Variants in RTTN observed in about 807,000 individuals in gnomAD.
RTTN encodes rotatin.
Under a neutral mutation model 269.2 loss-of-function variants are expected in RTTN, and 182 were observed. The ratio of observed to expected loss-of-function variants is 0.68; its 90% CI spans 0.60 to 0.76. The LOEUF is 0.76. RTTN is among the 30% of genes least tolerant of loss of function. RTTN has a pLI of 0.00. For synonymous variants in RTTN, 1,006 were observed against 963.5 expected (o/e 1.04, Z -0.82); for missense variants, 2,545 against 2,608.6 (o/e 0.98, Z 0.53).
chr18:70,027,931 G>A (rs934495657), intron 43 of RTTN, among the ~76,000 whole-genome samples: 21 of 151,980 alleles, frequency 1.4e-4, no homozygotes, highest in African/African-American at 5.1e-4. Context: ...CTTACCACAA[G>A]TAAGAGCAAA....
intron 34 of RTTN, among the ~76,000 whole-genome samples, chr18:70,071,223 T>C (rs934504307): frequency 1.3e-5 from 2 of 152,198 alleles, no homozygotes; most frequent in African/African-American, 4.8e-5. Flanking sequence ...TTTTCAGTTG[T>C]TTTAAGACTA....
intron 37 of RTTN, 55 bp from the exon 38 acceptor site, chr18:70,054,339 C>T: frequency 6.8e-7 from 1 of 1,480,264 alleles, no homozygotes; most frequent in Non-Finnish European, 9.1e-7. Context: ...AAGCCCATCT[C>T]AGTGATACAG....
intron 46 of RTTN, among the ~76,000 whole-genome samples, chr18:70,013,037 C>T (rs1020836284): frequency 4.6e-5 from 7 of 152,108 alleles, no homozygotes; most frequent in South Asian, 2.1e-4. Context: ...AGTGATGTTT[C>T]GGGCACGCTG....
In RTTN at chr18:70,092,803, A is replaced by G; in HGVS notation, c.3905T>C (p.Val1302Ala). Residue 1302 changes from valine (V) to alanine (A), a missense_variant and splice_region_variant, in exon 29 of 49, where the codon GTC becomes GCC. By Grantham distance (64) the Val-to-Ala change is moderately conservative. Transcript: ENST00000640769. ...CVKYLSGLLE[V>A]ITSFYVERGG... ...ACGCTCCACATAAAAAGAAGTAATG[A>G]CCTGAAAAACAAATGTAAACAATTT... 6.2e-7 allele frequency: 1 copy of G among 1,601,894 alleles called. No homozygotes were observed. Among genetic ancestry groups the G allele is most frequent in the South Asian group, 1.1e-5 (1 of 89,448 alleles).
intron 18 of RTTN, among the ~76,000 whole-genome samples, chr18:70,144,900 CA>C (rs996288702): frequency 8.5e-5 from 13 of 152,118 alleles, no homozygotes; most frequent in African/African-American, 2.9e-4. Context: ...TGAGAAAGTA[CA>C]AAACACAGGA....
At chr18:70,178,279 T>C (rs1372604896) in intron 10 of RTTN, among the ~76,000 whole-genome samples, 2 of 152,190 alleles carry the variant, frequency 1.3e-5, no homozygotes, top group African/African-American at 4.8e-5. Flanking sequence ...TAAATTCTGA[T>C]ACATGCTACA....
At position 70,030,012 on chromosome 18, in the gene RTTN, C is replaced by CT. The variant is rs756606313; in HGVS notation, c.5744dup (p.Glu1916GlyfsTer6). On this transcript the variant is annotated frameshift_variant and splice_region_variant, in exon 42 of 49. Transcript: ENST00000640769. LOFTEE classifies it high-confidence loss of function. The stretch of plus-strand genomic sequence containing the variant: ...CCATTCATTTATCCCAGAATGTTAC[C>CT]TTTTTTTTCAATGCTGCTTTCCCAG... The CT allele has an allele frequency of 1.5e-5, 24 of 1,604,330 alleles. No homozygotes were observed. The highest frequency in any genetic ancestry group is 1.8e-5 in the Non-Finnish European group (21 of 1,172,474).
chr18:70,109,035 G>A (rs1290376682), intron 28 of RTTN, among the ~76,000 whole-genome samples: 3 of 152,136 alleles, frequency 2.0e-5, no homozygotes, highest in Non-Finnish European at 4.4e-5. Context: ...TTCACCAAAA[G>A]ATAAGAATGT....
chr18:70,183,566 TCTA>T (rs2061465957), intron 10 of RTTN, among the ~76,000 whole-genome samples: 1 of 152,158 alleles, frequency 6.6e-6, no homozygotes, highest in Non-Finnish European at 1.5e-5. Flanking sequence ...CAAAGGTTCT[TCTA>T]GATCAGGGTT....
chr18:70,092,974 G>C (rs560118221), intron 28 of RTTN, among the ~76,000 whole-genome samples, 170 bp from the exon 29 acceptor site: 4 of 151,850 alleles, frequency 2.6e-5, no homozygotes, highest in Non-Finnish European at 5.9e-5. Context: ...TTATGTTATG[G>C]GTATTTTACC....
intron 2 of RTTN, among the ~76,000 whole-genome samples, chr18:70,204,767 T>A (rs2062034694): frequency 6.6e-6 from 1 of 152,244 alleles, no homozygotes; most frequent in African/African-American, 2.4e-5. Context: ...TGAATCACGG[T>A]TATGTAACAT....
At chr18:70,149,569 G>A (rs1187477251) in intron 16 of RTTN, among the ~76,000 whole-genome samples, 3 of 150,524 alleles carry the variant, frequency 2.0e-5, no homozygotes, top group Admixed American at 6.6e-5. Context: ...CTGTTTCTAG[G>A]AGCATGTTAA....
At position 70,048,180 on chromosome 18, in the gene RTTN, A is replaced by T. The variant is rs750833321; in HGVS notation, c.5332T>A (p.Cys1778Ser). The change falls in exon 40 of 49, where the codon TGC (cysteine) becomes AGC (serine). Residue 1778 changes from cysteine to serine, a missense_variant. Coordinates refer to ENST00000640769, the MANE Select transcript of RTTN (RefSeq NM_173630.4). ...GTGGCAGACAAGCCTGCACATGTGC[A>T]GAACATATCTAAAGGAATAATTTCA... ...KHWTAAIDMF[C>S]TCAGLSATCP... 1 of 1,611,172 alleles carries T rather than the reference A, an allele frequency of 6.2e-7. No individual in the cohort carries two copies. Among genetic ancestry groups the T allele is most frequent in the Non-Finnish European group, 8.5e-7 (1 of 1,177,682 alleles).
chr18:70,189,994 CA>C (rs2061633514), intron 9 of RTTN, among the ~76,000 whole-genome samples: 2 of 152,074 alleles, frequency 1.3e-5, no homozygotes, highest in African/African-American at 4.8e-5. Context: ...AAAATTACTA[CA>C]AAGGTAAGAA....
Position 70,047,699 on chromosome 18 carries a change from C to T in RTTN, c.5541+272G>A, listed in dbSNP as rs1344343857. Among the ~76,000 whole-genome samples the T allele has an allele frequency of 2.0e-5, 3 of 152,342 alleles. No individual in the cohort carries two copies. The South Asian group carries it at 6.2e-4, about 32-fold the overall frequency. The stretch of plus-strand genomic sequence containing the variant: ...TCCATTTTGGTCATGATATGAAACA[C>T]TGTTTTGATCAACTGTTAGATTTAG... On this transcript the variant is annotated intron_variant, in intron 40 of 48. Coordinates refer to ENST00000640769, the MANE Select transcript of RTTN (RefSeq NM_173630.4).
At chr18:70,143,834 G>T (rs1257664243) in intron 18 of RTTN, among the ~76,000 whole-genome samples, 1 of 151,686 alleles carries the variant, frequency 6.6e-6, no homozygotes, top group Non-Finnish European at 1.5e-5. Flanking sequence ...AAAATAAAGA[G>T]TCATCATGTC....
Position 70,054,246 on chromosome 18 carries a change from C to A in RTTN, c.5070G>T (p.Arg1690Ser), listed in dbSNP as rs757912747. 1 of 1,613,706 alleles carries A rather than the reference C, an allele frequency of 6.2e-7. No homozygotes were observed. The highest frequency in any genetic ancestry group is 1.1e-5 in the South Asian group (1 of 91,026). Residue 1690 changes from arginine (R) to serine (S), a missense_variant, in exon 38 of 49, where the codon AGG becomes AGT. Physicochemically the swap from Arg to Ser is moderately radical, Grantham distance 110 (BLOSUM62 -1). Transcript: ENST00000640769. ...CCACCAATAAACATGACTGCAGAAG[C>A]CTGGACAAAGAGGATAGGTATTCCA... is the stretch of plus-strand genomic sequence containing the variant. The part of the protein sequence containing the change: ...FLLEYLSSLS[R>S]LLQSCLLVEP...
intron 10 of RTTN, among the ~76,000 whole-genome samples, chr18:70,177,170 T>C (rs1482074890): frequency 1.3e-5 from 2 of 152,190 alleles, no homozygotes; most frequent in African/African-American, 4.8e-5. Context: ...TGCCTAATTG[T>C]TCCAATTTGG....
chr18:70,092,866 T>A, intron 28 of RTTN, 62 bp from the exon 29 acceptor site: 1 of 1,420,912 alleles, frequency 7.0e-7, no homozygotes, highest in Non-Finnish European at 9.6e-7. Context: ...TAAAGATAAA[T>A]ATATAACTGT....
Sources: allele counts gnomAD v4.1 joint callset (sites outside exome capture counted in the v4.1 genomes callset), GRCh38; gene constraint gnomAD v4.1.1; transcripts MANE v1.5; gene names NCBI Gene and HGNC (gene_info 2026-07-23, HGNC 2026-07-21).